COG7: variants seen among roughly 807,000 people sequenced by gnomAD.
COG7 encodes the protein conserved oligomeric Golgi complex subunit 7.
A neutral mutation model predicts 91.5 loss-of-function variants in COG7; 49 were observed. That is an observed-to-expected ratio of 0.54 (90% CI 0.43 to 0.68). The LOEUF is 0.68. COG7 is among the 30% of genes least tolerant of loss of function. The pLI, the probability that COG7 is intolerant of heterozygous loss-of-function variation, is 0.00. For missense variants in COG7, 895 were observed against 961.3 expected, an observed-to-expected ratio of 0.93 and a Z score of 0.91; for synonymous variants, 365 against 388.7, an observed-to-expected ratio of 0.94 and a Z score of 0.72.
Position 23,445,829 on chromosome 16 carries a change from G to A in COG7, c.302C>T (p.Thr101Ile). ...KEDIKKFEQD[T>I]SQSMQVLVEI... ...CCAAAATACCTGCATGGATTGAGAT[G>A]TGTCCTGTTCAAATTTTTTAATGTC... is the stretch of plus-strand genomic sequence containing the variant. Residue 101 changes from threonine (T) to isoleucine (I), a missense_variant, in exon 2 of 17, where the codon ACA (threonine) becomes ATA (isoleucine). By Grantham distance (89) the Thr-to-Ile change is moderately conservative (BLOSUM62 -1). Transcript: ENST00000307149. 6.2e-7 allele frequency: 1 copy of A among 1,613,982 alleles called. No individual in the cohort carries two copies. Among genetic ancestry groups the A allele is most frequent in the Non-Finnish European group, 8.5e-7 (1 of 1,179,928 alleles).
At chr16:23,398,001 C>G in intron 14 of COG7, 45 bp downstream of exon 14, 1 of 1,506,588 alleles carries the variant, frequency 6.6e-7, no homozygotes, top group Non-Finnish European at 9.2e-7. Flanking sequence ...CAAGGAAGGT[C>G]TGAAAGACTT....
At chr16:23,426,827 AAAAAAAAAAAGAAAG>A (rs1234963326) in intron 6 of COG7, among the ~76,000 whole-genome samples, 34 of 149,568 alleles carry the variant, frequency 2.3e-4, no homozygotes, top group Non-Finnish European at 3.9e-4. Context: ...ACAAAAAAAA[AAAAAAAAAAAGAAAG>A]AAAGAAAGAA....
chr16:23,406,598 T>C (rs1963467898), intron 11 of COG7, among the ~76,000 whole-genome samples: 1 of 152,204 alleles, frequency 6.6e-6, no homozygotes, highest in South Asian at 2.1e-4. Context: ...TTTCTTGCTA[T>C]ATGAGCATCA....
At chr16:23,403,586 C>T (rs896346447) in intron 13 of COG7, 108 bp downstream of exon 13, 42 of 1,403,762 alleles carry the variant, frequency 3.0e-5, no homozygotes, top group South Asian at 1.5e-4. Flanking sequence ...AAAGTTAAAG[C>T]GGGATCTTCC....
intron 13 of COG7, among the ~76,000 whole-genome samples, chr16:23,399,082 C>T (rs761207380): frequency 1.3e-5 from 2 of 152,180 alleles, no homozygotes; most frequent in Non-Finnish European, 2.9e-5. Context: ...GAACTGCTGT[C>T]TGCAGCCACC....
intron 14 of COG7, among the ~76,000 whole-genome samples, chr16:23,393,916 CT>C (rs1183927577): frequency 2.0e-5 from 3 of 152,012 alleles, no homozygotes; most frequent in African/African-American, 7.2e-5. Context: ...TGGCAGGCAC[CT>C]GTAATCCCAG....
At chr16:23,405,940 G>C (rs1456386488) in intron 12 of COG7, 136 bp downstream of exon 12, 7 of 793,524 alleles carry the variant, frequency 8.8e-6, no homozygotes, top group Non-Finnish European at 1.6e-5. Context: ...CAACATAAAT[G>C]AGACAGAGAG....
chr16:23,453,137 C>T lies in COG7; in HGVS notation c.-143G>A, dbSNP rs1964294892. On this transcript the variant is annotated 5_prime_UTR_variant, in exon 1 of 17. Transcript: ENST00000307149. ...AGAAACGCCAGGACGGGTAACTTGC[C>T]CCTTTGCGCTTCCCCGCTCAGCGCA... is the stretch of plus-strand genomic sequence containing the variant. 6.8e-7 allele frequency: 1 copy of T among 1,462,880 alleles called. No homozygotes were observed. Among genetic ancestry groups the T allele is most frequent in the Non-Finnish European group, 9.0e-7 (1 of 1,105,202 alleles). The allele number at this position is 1,462,880 out of a possible 1,614,324, so 90.6% of individuals were successfully genotyped here. A position where few individuals can be genotyped will look rare whatever the true frequency, so the allele number is the denominator to read the frequency against.
chr16:23,404,843 C>A (rs903079791), intron 12 of COG7, among the ~76,000 whole-genome samples: 1 of 152,152 alleles, frequency 6.6e-6, no homozygotes, highest in Non-Finnish European at 1.5e-5. Context: ...ACGCTTGAAG[C>A]GGGGAGGCAG....
At chr16:23,406,014 A>G (rs1963454661) in intron 12 of COG7, 62 bp downstream of exon 12, 1 of 1,482,968 alleles carries the variant, frequency 6.7e-7, no homozygotes, top group East Asian at 2.3e-5. Context: ...CCAGAGAGGG[A>G]GAGGGTGAGT....
intron 2 of COG7, 124 bp downstream of exon 2, chr16:23,445,689 G>T: frequency 1.0e-6 from 1 of 969,344 alleles, no homozygotes; most frequent in Non-Finnish European, 1.7e-6. Flanking sequence ...GGAGTGCTGG[G>T]CAGAATCTTG....
intron 13 of COG7, among the ~76,000 whole-genome samples, chr16:23,399,961 C>A (rs1963347124): frequency 6.6e-6 from 1 of 152,036 alleles, no homozygotes; most frequent in Non-Finnish European, 1.5e-5. Context: ...TTAGGAATTC[C>A]TTTTCTTTTT....
intron 7 of COG7, 95 bp from the exon 8 acceptor site, chr16:23,418,922 C>T (rs1329566751): frequency 1.8e-6 from 2 of 1,140,634 alleles, no homozygotes; most frequent in African/African-American, 1.5e-5. Context: ...CTAGAACTTT[C>T]CCCATTTGAT....
At chr16:23,452,059 A>G (rs1426167056) in intron 1 of COG7, among the ~76,000 whole-genome samples, 2 of 152,234 alleles carry the variant, frequency 1.3e-5, no homozygotes, top group Non-Finnish European at 1.5e-5. Context: ...TCAAGTCACT[A>G]TAACAGAAAC....
rs543740263 is a variant in COG7, at chr16:23,389,184, T to C, written c.2147-98A>G. 1,881 of 1,422,572 alleles carry C rather than the reference T, an allele frequency of 1.3e-3. 19 individuals carry two copies. Among genetic ancestry groups the C allele is most frequent in the Middle Eastern group, 0.011 (48 of 4,504 alleles). The allele number at this position is 1,422,572 out of a possible 1,614,324, so 88.1% of individuals were successfully genotyped here. The stretch of plus-strand genomic sequence containing the variant: ...TCCCCTGAATACGACACAGAGAAGC[T>C]GCCCTGCCAAGTCCCTAGATGTGGG... On this transcript the variant is annotated intron_variant, in intron 16 of 16. Transcript: ENST00000307149.
chr16:23,398,058 C>T lies in COG7; in HGVS notation c.1875G>A (p.Glu625=). 6.2e-7 allele frequency: 1 copy of T among 1,614,090 alleles called. No homozygotes were observed. The highest frequency in any genetic ancestry group is 8.5e-7 in the Non-Finnish European group (1 of 1,179,952). The change falls in exon 14 of 17, where the codon GAG becomes GAA. Residue 625 remains glutamate, a synonymous_variant. Coordinates refer to ENST00000307149, the MANE Select transcript of COG7 (RefSeq NM_153603.4). ...CAGAAGCTCTTACGTTGCTGATGTA[C>T]TCGAGAGGGGTGAGACTAAAGGCGG... ...ELPAFSLTPL[E]YISNIGQYIM...
intron 1 of COG7, chr16:23,447,156 T>C (rs1166290097): frequency 6.6e-6 from 1 of 152,176 alleles, no homozygotes; most frequent in Non-Finnish European, 1.5e-5. Context: ...TCCTGAACCA[T>C]GTTACTCTGC....
intron 16 of COG7, among the ~76,000 whole-genome samples, chr16:23,391,195 G>A (rs975717823): frequency 3.9e-5 from 6 of 152,126 alleles, no homozygotes; most frequent in African/African-American, 1.4e-4. Context: ...ACAGATGCTC[G>A]AGCAATGCTG....
At chr16:23,410,216 T>C (rs1015299013) in intron 11 of COG7, 79 bp downstream of exon 11, 1 of 1,153,782 alleles carries the variant, frequency 8.7e-7, no homozygotes, top group Middle Eastern at 2.0e-4. Flanking sequence ...TATGCTGTCC[T>C]TGCTGTACTG....
Sources: allele counts gnomAD v4.1 joint callset (sites outside exome capture counted in the v4.1 genomes callset), GRCh38; gene constraint gnomAD v4.1.1; transcripts MANE v1.5; gene names NCBI Gene and HGNC (gene_info 2026-07-23, HGNC 2026-07-21).